The following MYBL2 variants were observed in gnomAD, a reference collection of about 807,000 sequenced individuals.
The protein encoded by MYBL2 is myb-related protein B.
In MYBL2, 28 loss-of-function variants were observed where a neutral mutation model predicts 79.9. The ratio of observed to expected loss-of-function variants is 0.35; its 90% confidence interval spans 0.26 to 0.48. The LOEUF (loss-of-function observed/expected upper bound fraction) is 0.48. Ranked by LOEUF, MYBL2 falls within the 20% of genes least tolerant of loss-of-function variation. The pLI, the probability that MYBL2 is intolerant of heterozygous loss-of-function variation, is 0.99. For missense variants in MYBL2, 735 were observed against 893.9 expected, an observed-to-expected ratio of 0.82 and a Z score of 2.27; for synonymous variants, 378 against 361.2, an observed-to-expected ratio of 1.05 and a Z score of -0.53.
At chr20:43,676,229 G>GT (rs1463854578) in intron 2 of MYBL2, among the ~76,000 whole-genome samples, 1 of 151,972 alleles carries the variant, frequency 6.6e-6, no homozygotes, top group East Asian at 1.9e-4. Context: ...CCAATAGGTA[G>GT]TTTTTTGATC....
intron 5 of MYBL2, among the ~76,000 whole-genome samples, chr20:43,690,913 A>G (rs1987391742): frequency 6.6e-6 from 1 of 152,148 alleles, no homozygotes; most frequent in Non-Finnish European, 1.5e-5. Context: ...CTATACTTCT[A>G]TACACTTTTG....
chr20:43,714,454 T>A (rs1987982746), intron 12 of MYBL2, among the ~76,000 whole-genome samples: 1 of 152,324 alleles, frequency 6.6e-6, no homozygotes, highest in African/African-American at 2.4e-5. Flanking sequence ...GATTATGTTA[T>A]TATGGCCTGG....
rs1311314871 is a variant in MYBL2, at chr20:43,667,143, G to T, written c.-141G>T. ...GCAGTTCCTGCGAGCGAGGAGCGCG[G>T]GACCTGCTGACACGCTGACGCCTTC... On this transcript the variant is annotated 5_prime_UTR_variant, in exon 1 of 14. Coordinates refer to ENST00000217026, the MANE Select transcript of MYBL2 (RefSeq NM_002466.4). 5.4e-6 allele frequency: 2 copies of T among 367,644 alleles called. No homozygotes were observed. Among genetic ancestry groups the T allele is most frequent in the Non-Finnish European group, 8.7e-6 (2 of 231,110 alleles). The allele number at this position is 367,644 out of a possible 1,614,324, so 22.8% of individuals were successfully genotyped here.
chr20:43,708,472 C>G (rs539452535), intron 9 of MYBL2, among the ~76,000 whole-genome samples: 1 of 152,098 alleles, frequency 6.6e-6, no homozygotes, highest in East Asian at 1.9e-4. Flanking sequence ...CTCTCTTAGT[C>G]ACCCGGGTTG....
Position 43,667,255 on chromosome 20 carries a change from G to A in MYBL2, c.-29G>A. The A allele has an allele frequency of 8.2e-7, 1 of 1,218,068 alleles. No individual in the cohort carries two copies. Among genetic ancestry groups the A allele is most frequent in the Non-Finnish European group, 1.0e-6 (1 of 978,986 alleles). 75.5% of individuals were successfully genotyped at this position (1,218,068 alleles called of 1,614,324 possible). On this transcript the variant is annotated 5_prime_UTR_variant, in exon 1 of 14. Transcript: ENST00000217026. ...CGCTCCGGGCTCTGCCGGCGGGCGG[G>A]CGAGCGCGGCGCGGTCCGGGCCGGG...
At chr20:43,678,589 G>A (rs1171892427) in intron 2 of MYBL2, among the ~76,000 whole-genome samples, 2 of 152,078 alleles carry the variant, frequency 1.3e-5, no homozygotes, top group East Asian at 1.9e-4. Context: ...TGGCGCGGTG[G>A]CTCACGCCTG....
chr20:43,694,898 C>A (rs891650821), intron 6 of MYBL2, among the ~76,000 whole-genome samples: 4 of 152,182 alleles, frequency 2.6e-5, no homozygotes, highest in East Asian at 1.9e-4. Context: ...GAACAGATCT[C>A]TAGTCTCTTA....
At chr20:43,676,420 C>G (rs1987011509) in intron 2 of MYBL2, among the ~76,000 whole-genome samples, 1 of 152,158 alleles carries the variant, frequency 6.6e-6, no homozygotes, top group African/African-American at 2.4e-5. Flanking sequence ...TTTGCCTGTT[C>G]TTGAATCTTC....
chr20:43,698,599 G>A (rs1272486517), intron 6 of MYBL2, among the ~76,000 whole-genome samples: 1 of 150,302 alleles, frequency 6.7e-6, no homozygotes, highest in Non-Finnish European at 1.5e-5. Context: ...GGATGGTCTC[G>A]ATCCTCCTGA....
Position 43,681,458 on chromosome 20 carries a change from T to G in MYBL2, c.115-326T>G, listed in dbSNP as rs190025258. On this transcript the variant is annotated intron_variant, in intron 2 of 13. Coordinates refer to ENST00000217026, the MANE Select transcript of MYBL2 (RefSeq NM_002466.4). ...CTTGGATCTGTTTTGCTTCCTCCAT[T>G]TTAGCTATTCTGCATTTCCTTGGAA... Among the ~76,000 whole-genome samples the G allele has an allele frequency of 5.1e-4, 78 of 152,308 alleles. No individual in the cohort carries two copies. The East Asian group carries it at 0.014, about 27-fold the overall frequency.
intron 5 of MYBL2, among the ~76,000 whole-genome samples, chr20:43,688,176 T>G (rs968899394): frequency 2.6e-5 from 4 of 152,014 alleles, no homozygotes; most frequent in African/African-American, 9.7e-5. Context: ...CTCCTCCCTT[T>G]TCTGGCACTC....
At chr20:43,695,958 CAGTGAGCCG>C (rs1479644255) in intron 6 of MYBL2, among the ~76,000 whole-genome samples, 1 of 151,508 alleles carries the variant, frequency 6.6e-6, no homozygotes, top group Non-Finnish European at 1.5e-5. Flanking sequence ...GCGGAGGTTG[CAGTGAGCCG>C]AGTTCGCACT....
At chr20:43,672,192 CAG>C (rs1159335924) in intron 1 of MYBL2, among the ~76,000 whole-genome samples, 2 of 6,294 alleles carry the variant, frequency 3.2e-4, no homozygotes, top group Non-Finnish European at 1.4e-3. Flanking sequence ...GCCTGGGTGA[CAG>C]AGTGAAACTC....
chr20:43,682,877 A>G lies in MYBL2; in HGVS notation c.270A>G (p.Glu90=). The G allele has an allele frequency of 6.2e-7, 1 of 1,613,824 alleles. No homozygotes were observed. The highest frequency in any genetic ancestry group is 8.5e-7 in the Non-Finnish European group (1 of 1,179,750). The change falls in exon 4 of 14, where the codon GAA becomes GAG. Residue 90 remains glutamate (E), a synonymous_variant. Coordinates refer to ENST00000217026, the MANE Select transcript of MYBL2 (RefSeq NM_002466.4). ...TCAAGGGGCCATGGACCAAAGAGGA[A>G]GACCAAAAAGTAACTGCTGGGACAG... is the stretch of plus-strand genomic sequence containing the variant. ...DLVKGPWTKE[E]DQKVIELVKK...
At chr20:43,695,095 G>A (rs541993035) in intron 6 of MYBL2, among the ~76,000 whole-genome samples, 2 of 150,400 alleles carry the variant, frequency 1.3e-5, no homozygotes, top group African/African-American at 4.9e-5. Context: ...GTGCAGTGGT[G>A]CCATCTCTGC....
At chr20:43,678,662 G>A (rs1202518467) in intron 2 of MYBL2, among the ~76,000 whole-genome samples, 2 of 151,848 alleles carry the variant, frequency 1.3e-5, no homozygotes, top group Admixed American at 1.3e-4. Flanking sequence ...TTCCAGACCA[G>A]CCTGGCCAAC....
At chr20:43,695,099 T>C (rs906630967) in intron 6 of MYBL2, among the ~76,000 whole-genome samples, 62 of 151,022 alleles carry the variant, frequency 4.1e-4, no homozygotes, top group African/African-American at 1.4e-3. Context: ...AGTGGTGCCA[T>C]CTCTGCTTGC....
chr20:43,701,963 C>G (rs367681699), intron 7 of MYBL2, among the ~76,000 whole-genome samples: 1 of 152,094 alleles, frequency 6.6e-6, no homozygotes. Flanking sequence ...GTCAGGAGTT[C>G]GAGACCAGCC....
chr20:43,676,259 C>G (rs1264097373), intron 2 of MYBL2, among the ~76,000 whole-genome samples: 1 of 148,618 alleles, frequency 6.7e-6, no homozygotes, highest in African/African-American at 2.5e-5. Context: ...CTCCCACCCT[C>G]CACCCTCCTC....
Sources: allele counts gnomAD v4.1 joint callset (sites outside exome capture counted in the v4.1 genomes callset), GRCh38; gene constraint gnomAD v4.1.1; transcripts MANE v1.5; gene names NCBI Gene and HGNC (gene_info 2026-07-23, HGNC 2026-07-21).